GPC5: variants seen among roughly 807,000 people sequenced by gnomAD.
The protein encoded by GPC5 is glypican 5, also known as glypican-5.
In GPC5, 47 loss-of-function variants were observed where a neutral mutation model predicts 53.9. The observed-to-expected ratio is 0.87, with a 90% CI of 0.69 to 1.11. The LOEUF (loss-of-function observed/expected upper bound fraction) is 1.11, where lower values mean the gene tolerates loss of function less well. GPC5 is among the 50% of genes most tolerant of loss of function. The pLI is 0.00. For missense variants in GPC5, 748 were observed against 713.1 expected (o/e 1.05, Z -0.56); for synonymous variants, 286 against 263.3 (o/e 1.09, Z -0.84).
intron 7 of GPC5, among the ~76,000 whole-genome samples, chr13:92,492,528 G>GAAAT (rs975560960): frequency 6.6e-6 from 1 of 151,294 alleles, no homozygotes; most frequent in Admixed American, 6.6e-5. Context: ...ACAGAATCAA[G>GAAAT]AAATAAATAA....
intron 6 of GPC5, among the ~76,000 whole-genome samples, chr13:92,141,314 T>G (rs2041828923): frequency 6.6e-6 from 1 of 152,170 alleles, no homozygotes; most frequent in Non-Finnish European, 1.5e-5. Flanking sequence ...AGGGTAGTAC[T>G]GGGGACTGAG....
chr13:91,528,106 C>G (rs1207994514), intron 2 of GPC5, among the ~76,000 whole-genome samples: 1 of 152,202 alleles, frequency 6.6e-6, no homozygotes, highest in Non-Finnish European at 1.5e-5. Context: ...ATATATCCAG[C>G]AGACTTGAAT....
At chr13:91,616,814 G>A (rs960348582) in intron 2 of GPC5, among the ~76,000 whole-genome samples, 3 of 152,078 alleles carry the variant, frequency 2.0e-5, no homozygotes, top group Non-Finnish European at 4.4e-5. Context: ...GTCACTTTAT[G>A]TAATTTCTCT....
At chr13:92,476,287 G>A (rs1309368761) in intron 7 of GPC5, among the ~76,000 whole-genome samples, 2 of 152,090 alleles carry the variant, frequency 1.3e-5, no homozygotes, top group Non-Finnish European at 2.9e-5. Context: ...AAAAACACAT[G>A]AAAAAATGCT....
chr13:91,923,189 G>C (rs1488860974), intron 6 of GPC5, among the ~76,000 whole-genome samples: 1 of 152,092 alleles, frequency 6.6e-6, no homozygotes, highest in Non-Finnish European at 1.5e-5. Context: ...CATAGCTTTT[G>C]ACTGGCTCAT....
intron 7 of GPC5, among the ~76,000 whole-genome samples, chr13:92,594,633 T>C (rs995067515): frequency 6.6e-6 from 1 of 152,232 alleles, no homozygotes; most frequent in African/African-American, 2.4e-5. Context: ...CATCCAATTT[T>C]TTCTGCAACC....
chr13:92,383,430 G>A (rs2043766771), intron 7 of GPC5, among the ~76,000 whole-genome samples: 1 of 152,082 alleles, frequency 6.6e-6, no homozygotes, highest in Non-Finnish European at 1.5e-5. Flanking sequence ...TCACATAATT[G>A]TATAACATTA....
At chr13:92,547,048 C>G (rs1882143015) in intron 7 of GPC5, among the ~76,000 whole-genome samples, 1 of 152,024 alleles carries the variant, frequency 6.6e-6, no homozygotes, top group South Asian at 2.1e-4. Flanking sequence ...AATTTTAGAC[C>G]TAAAACCATA....
intron 6 of GPC5, among the ~76,000 whole-genome samples, chr13:92,105,731 T>C: frequency 6.6e-6 from 1 of 152,108 alleles, no homozygotes; most frequent in East Asian, 1.9e-4. Flanking sequence ...TATATATTAA[T>C]CTTAATTGCT....
In GPC5 at chr13:92,037,265, T is replaced by G. The variant is rs80143871; in HGVS notation, c.1402-107565T>G. The stretch of plus-strand genomic sequence containing the variant: ...TTATTTACCATCTCACTGATTTTCT[T>G]GCTATTCCTCCAAAATACCAAGTGT... On this transcript the variant is annotated intron_variant, in intron 6 of 7. Coordinates refer to ENST00000377067, the MANE Select transcript of GPC5 (RefSeq NM_004466.6). Among the ~76,000 whole-genome samples the G allele has an allele frequency of 3.5e-3, 528 of 152,244 alleles. 1 individual carries two copies. Among genetic ancestry groups the G allele is most frequent in the Middle Eastern group, 6.8e-3 (2 of 294 alleles).
intron 7 of GPC5, among the ~76,000 whole-genome samples, chr13:92,287,589 A>G (rs946185411): frequency 4.6e-5 from 7 of 152,158 alleles, no homozygotes; most frequent in Non-Finnish European, 1.5e-5. Context: ...TAGCTTAAAT[A>G]TATCATCTCA....
At chr13:92,508,158 T>C (rs569016992) in intron 7 of GPC5, among the ~76,000 whole-genome samples, 22 of 152,190 alleles carry the variant, frequency 1.4e-4, no homozygotes, top group Non-Finnish European at 2.9e-4. Context: ...GAGACAGTGT[T>C]TCACCATGTT....
At chr13:91,563,512 A>G (rs2031383467) in intron 2 of GPC5, among the ~76,000 whole-genome samples, 1 of 152,202 alleles carries the variant, frequency 6.6e-6, no homozygotes, top group Non-Finnish European at 1.5e-5. Context: ...TCAAGATTGC[A>G]TATTTAATTA....
intron 2 of GPC5, among the ~76,000 whole-genome samples, chr13:91,674,828 C>T (rs1000924592): frequency 6.6e-6 from 1 of 151,532 alleles, no homozygotes; most frequent in African/African-American, 2.4e-5. Context: ...TAAAAAGTCC[C>T]TTCATGACCC....
intron 6 of GPC5, among the ~76,000 whole-genome samples, chr13:92,084,850 T>C (rs964162023): frequency 1.3e-5 from 2 of 152,202 alleles, no homozygotes; most frequent in African/African-American, 2.4e-5. Context: ...TCCATTCACA[T>C]TACTATAAGA....
intron 6 of GPC5, among the ~76,000 whole-genome samples, chr13:92,139,662 G>A (rs986927181): frequency 0.012 from 262 of 20,982 alleles, 4 homozygotes; most frequent in African/African-American, 0.04. Flanking sequence ...GTGAGATTCC[G>A]TCTCAAAAAA....
At position 92,126,191 on chromosome 13, in the gene GPC5, G is replaced by A. The variant is rs189171485; in HGVS notation, c.1402-18639G>A. ...GCTGGTCTTGAACTCCTGACCTTGC[G>A]ATCCACCCGCCTTGGACTCCCAAAG... On this transcript the variant is annotated intron_variant, in intron 6 of 7. Transcript: ENST00000377067. 1.5e-4 allele frequency among the ~76,000 whole-genome samples: 23 copies of A among 151,966 alleles called. No individual in the cohort carries two copies. The East Asian group carries it at 2.5e-3, about 17-fold the overall frequency.
chr13:91,405,038 C>CT (rs1428165090), intron 1 of GPC5, among the ~76,000 whole-genome samples: 3 of 152,156 alleles, frequency 2.0e-5, no homozygotes, highest in South Asian at 4.1e-4. Context: ...TGGATTAAAT[C>CT]TCTGTAGCAT....
chr13:92,129,185 G>C (rs1414909234), intron 6 of GPC5, among the ~76,000 whole-genome samples: 1 of 152,130 alleles, frequency 6.6e-6, no homozygotes, highest in Non-Finnish European at 1.5e-5. Context: ...GATTAAATCT[G>C]AGACTAATTT....
Sources: allele counts gnomAD v4.1 joint callset (sites outside exome capture counted in the v4.1 genomes callset), GRCh38; gene constraint gnomAD v4.1.1; transcripts MANE v1.5; gene names NCBI Gene and HGNC (gene_info 2026-07-23, HGNC 2026-07-21).